Variants in UBR4 observed in about 807,000 individuals in gnomAD.
The protein encoded by UBR4 is E3 ubiquitin-protein ligase UBR4.
In UBR4, 124 loss-of-function variants were observed where a neutral mutation model predicts 575.6. That is an observed-to-expected ratio of 0.22 (90% CI 0.19 to 0.25). The LOEUF (loss-of-function observed/expected upper bound fraction) is 0.25, where lower values mean the gene tolerates loss of function less well. Among genes scored for constraint, UBR4 ranks in the 10% least tolerant of loss-of-function variants. The pLI is 1.00. For synonymous variants in UBR4, 2,455 were observed against 2,473.7 expected (o/e 0.99, Z 0.22); for missense variants, 4,818 against 6,478.8 (o/e 0.74, Z 8.80).
rs2081808349 is a variant in UBR4, at chr1:19,126,474, C to T, written c.9410G>A (p.Ser3137Asn). The change falls in exon 64 of 106, where the codon AGC (serine) becomes AAC (asparagine). Residue 3137 changes from serine to asparagine, a missense_variant. Physicochemically the swap from Ser to Asn is conservative, Grantham distance 46 (BLOSUM62 1). Coordinates refer to ENST00000375254, the MANE Select transcript of UBR4 (RefSeq NM_020765.3). ...CACATACTGGCGGAGAAAGAATGGG[C>T]TCATGTCAGGTGGGGAGGAGGTAGT... ...PHTTSSPPDMSPFFLRQYVKG... is the reference protein window; with the variant it reads ...PHTTSSPPDMNPFFLRQYVKG... 6.2e-7 allele frequency: 1 copy of T among 1,614,032 alleles called. No homozygotes were observed. The highest frequency in any genetic ancestry group is 1.3e-5 in the African/African-American group (1 of 74,916).
chr1:19,167,284 G>A (rs1237392288), intron 28 of UBR4, 53 bp from the exon 29 acceptor site: 1 of 1,594,490 alleles, frequency 6.3e-7, no homozygotes, highest in Non-Finnish European at 8.6e-7. Context: ...CCAAAAAGCT[G>A]CAAAGCAAGG....
chr1:19,090,663 T>C (rs2077416642), intron 97 of UBR4, among the ~76,000 whole-genome samples: 1 of 152,188 alleles, frequency 6.6e-6, no homozygotes, highest in African/African-American at 2.4e-5. Context: ...AGGCGACAGC[T>C]GTCTCCTCAG....
intron 14 of UBR4, among the ~76,000 whole-genome samples, chr1:19,185,914 C>T (rs1255246213): frequency 6.6e-6 from 1 of 152,152 alleles, no homozygotes; most frequent in Non-Finnish European, 1.5e-5. Context: ...AACAACTTCA[C>T]ATTATTTTAC....
rs2086570010 is a variant in UBR4 at position 19,157,185 on chromosome 1, C to T, written c.5761-260G>A. 6.6e-6 allele frequency among the ~76,000 whole-genome samples: 1 copy of T among 152,144 alleles called. No individual in the cohort carries two copies. The highest frequency in any genetic ancestry group is 6.5e-5 in the Admixed American group (1 of 15,278). On this transcript the variant is annotated intron_variant, in intron 40 of 105. Coordinates refer to ENST00000375254, the MANE Select transcript of UBR4 (RefSeq NM_020765.3). This position sits in a 1 kb window ranked among gnomAD's most constrained non-coding sequence, Gnocchi z 4.4. ...TAGTTCACAAAATAGTTTAAGAATA[C>T]CTACGTACCACTGTCCTTTTCTAGT...
Position 19,150,670 on chromosome 1 carries a change from C to T in UBR4, c.7337G>A (p.Ser2446Asn), listed in dbSNP as rs563515569. 2.7e-5 allele frequency: 44 copies of T among 1,614,114 alleles called. No homozygotes were observed. In the East Asian group the frequency reaches 9.4e-4, roughly 34 times the overall value. The change falls in exon 49 of 106, where the codon AGC (serine) becomes AAC (asparagine). Residue 2446 changes from serine (S) to asparagine (N), a missense_variant. Transcript: ENST00000375254. ...GTTCAGATTTGAAGGGCAGATGTTG[C>T]TGACAGAGGCAGAAGGGAATTCTTC... ...PPEEFPSASV[S>N]NICPSNLNQS... is the part of the protein sequence containing the mutation.
rs1334320262 is a variant in UBR4 at position 19,197,742 on chromosome 1, T to C, written c.821A>G (p.Gln274Arg). The C allele has an allele frequency of 6.2e-7, 1 of 1,614,122 alleles. No individual in the cohort carries two copies. The highest frequency in any genetic ancestry group is 8.5e-7 in the Non-Finnish European group (1 of 1,180,050). ...GAAGGAATTAGCTAAAACTGCATCT[T>C]GGAACCGATTGATATAGCGTAGGAA... ...PYFLRYINRFQDAVLANSFFI... is the reference protein window; with the variant it reads ...PYFLRYINRFRDAVLANSFFI... The change falls in exon 7 of 106, where the codon CAA becomes CGA. Residue 274 changes from glutamine to arginine, a missense_variant. By Grantham distance (43) the Gln-to-Arg change is conservative. Coordinates refer to ENST00000375254, the MANE Select transcript of UBR4 (RefSeq NM_020765.3).
intron 1 of UBR4, among the ~76,000 whole-genome samples, chr1:19,204,164 A>G (rs746441429): frequency 4.0e-5 from 6 of 151,542 alleles, no homozygotes; most frequent in Non-Finnish European, 7.4e-5. Context: ...ACGCCTGGCT[A>G]ATTTTTGTAT....
In UBR4 at chr1:19,089,766, G is replaced by A. The variant is rs1557522624; in HGVS notation, c.14212-789C>T. Reference sequence around the variant, plus strand: ...CAACAGGCTGAAAATAACACAGCCAGCAGATCACTCAGTAGCTCATAAATC... The same window carrying A: ...CAACAGGCTGAAAATAACACAGCCAACAGATCACTCAGTAGCTCATAAATC... On this transcript the variant is annotated intron_variant, in intron 97 of 105. Coordinates refer to ENST00000375254, the MANE Select transcript of UBR4 (RefSeq NM_020765.3). The surrounding 1 kb of genome is among the most constrained non-coding windows in gnomAD (Gnocchi z 4.3). 6.6e-6 allele frequency among the ~76,000 whole-genome samples: 1 copy of A among 152,222 alleles called. No homozygotes were observed. The highest frequency in any genetic ancestry group is 1.5e-5 in the Non-Finnish European group (1 of 68,048).
chr1:19,144,218 C>T, intron 54 of UBR4, 127 bp from the exon 55 acceptor site: 2 of 753,594 alleles, frequency 2.7e-6, no homozygotes, highest in Non-Finnish European at 4.4e-6. Context: ...TCACCTGCAA[C>T]CCAGCGGACC....
chr1:19,192,832 G>A (rs1035242555), intron 9 of UBR4, among the ~76,000 whole-genome samples: 1 of 151,852 alleles, frequency 6.6e-6, no homozygotes, highest in Non-Finnish European at 1.5e-5. Flanking sequence ...GTCCAGGCTG[G>A]AGTACGATGG....
Position 19,089,830 on chromosome 1 carries a change from C to T in UBR4, c.14212-853G>A, listed in dbSNP as rs757662774. Among the ~76,000 whole-genome samples the T allele has an allele frequency of 3.9e-5, 6 of 152,188 alleles. No homozygotes were observed. The highest frequency in any genetic ancestry group is 4.4e-5 in the Non-Finnish European group (3 of 68,030). On this transcript the variant is annotated intron_variant, in intron 97 of 105. Coordinates refer to ENST00000375254, the MANE Select transcript of UBR4 (RefSeq NM_020765.3). The surrounding 1 kb of genome is among the most constrained non-coding windows in gnomAD (Gnocchi z 4.3). ...AGTCCACTTCCAATCTGTGTCTCAG[C>T]GAAATTACCTATTCCCTCATGTCTC...
intron 67 of UBR4, 97 bp downstream of exon 67, chr1:19,121,837 A>G (rs534283407): frequency 2.4e-5 from 32 of 1,354,540 alleles, no homozygotes; most frequent in Admixed American, 9.5e-5. Context: ...GTTCACAGCT[A>G]TATCTCCAGC....
rs918695367 is a variant in UBR4, at chr1:19,144,819, T to C, written c.8034A>G (p.Ala2678=). The C allele has an allele frequency of 2.2e-5, 35 of 1,613,822 alleles. No individual in the cohort carries two copies. The highest frequency in any genetic ancestry group is 2.8e-5 in the Non-Finnish European group (33 of 1,179,928). ...AGAGCATCTGCATGTAGATCTTGGA[T>C]GCTGTGTTAATACAATCCAGCTCAC... is the stretch of plus-strand genomic sequence containing the variant. The part of the protein sequence containing the change: ...CTCELDCINT[A]SKIYMQMLLC... Residue 2678 remains alanine, a synonymous_variant, in exon 54 of 106, where the codon GCA becomes GCG. Coordinates refer to ENST00000375254, the MANE Select transcript of UBR4 (RefSeq NM_020765.3).
At chr1:19,201,027 G>A (rs2092718846) in intron 2 of UBR4, among the ~76,000 whole-genome samples, 1 of 152,042 alleles carries the variant, frequency 6.6e-6, no homozygotes, top group Non-Finnish European at 1.5e-5. Flanking sequence ...TCCCAGCTAG[G>A]ACTGAGGAGG....
chr1:19,163,945 T>G, intron 33 of UBR4, 118 bp from the exon 34 acceptor site: 1 of 1,149,662 alleles, frequency 8.7e-7, no homozygotes, highest in Non-Finnish European at 1.3e-6. Flanking sequence ...AGCAGAAGCA[T>G]TCTTAGAAAA....
At chr1:19,163,731 T>C in intron 34 of UBR4, 33 bp downstream of exon 34, 1 of 1,610,564 alleles carries the variant, frequency 6.2e-7, no homozygotes, top group East Asian at 2.2e-5. Flanking sequence ...ACCTTTCCCT[T>C]CACCCCCCAT....
chr1:19,169,467 T>G lies in UBR4; in HGVS notation c.3709A>C (p.Asn1237His). ...CCAATATTGGGAAATTCATTGGTAT[T>G]GATGTTGTTCCAGGACTCACACACA... ...QTVCESWNNI[N>H]TNEFPNIGSW... Residue 1237 changes from asparagine (N) to histidine (H), a missense_variant, in exon 27 of 106, where the codon AAT (asparagine) becomes CAT (histidine). Coordinates refer to ENST00000375254, the MANE Select transcript of UBR4 (RefSeq NM_020765.3). 6.2e-7 allele frequency: 1 copy of G among 1,613,922 alleles called. No homozygotes were observed. Among genetic ancestry groups the G allele is most frequent in the South Asian group, 1.1e-5 (1 of 91,000 alleles).
chr1:19,165,087 T>G, intron 31 of UBR4, 90 bp from the exon 32 acceptor site: 1 of 1,556,746 alleles, frequency 6.4e-7, no homozygotes, highest in Non-Finnish European at 8.8e-7. Flanking sequence ...AAAGGGGAAA[T>G]GGCTTCAAAG....
At chr1:19,165,142 C>T in intron 31 of UBR4, 107 bp downstream of exon 31, 15 of 1,469,234 alleles carry the variant, frequency 1.0e-5, no homozygotes, top group East Asian at 4.5e-5. Flanking sequence ...GGATTCTCTC[C>T]ACTCGTTAGC....
Sources: gnomAD v4.1 joint callset for allele counts (sites outside exome capture counted in the v4.1 genomes callset) on GRCh38, gnomAD v4.1.1 for gene constraint, Gnocchi (gnomAD v3.1) non-coding constraint, MANE v1.5 for transcripts, NCBI Gene and HGNC (gene_info 2026-07-23, HGNC 2026-07-21) for gene names.